Variants in CNTNAP5 observed in about 807,000 individuals in gnomAD.
The protein encoded by CNTNAP5 is contactin associated protein family member 5.
A neutral mutation model predicts 150.2 loss-of-function variants in CNTNAP5; 72 were observed. The ratio of observed to expected loss-of-function variants is 0.48; its 90% CI spans 0.40 to 0.58. CNTNAP5 has a LOEUF of 0.58. CNTNAP5 is among the 20% of genes least tolerant of loss of function. The probability of loss-of-function intolerance (pLI) is 0.00; values close to 1 mark genes in which losing one functional copy is unlikely to be tolerated. For missense variants in CNTNAP5, 1,636 were observed against 1,626.2 expected, an observed-to-expected ratio of 1.01 and a Z score of -0.10; for synonymous variants, 672 against 619.8, an observed-to-expected ratio of 1.08 and a Z score of -1.25.
At chr2:124,282,095 A>C (rs113071431) in intron 3 of CNTNAP5, among the ~76,000 whole-genome samples, 204 of 152,238 alleles carry the variant, frequency 1.3e-3, no homozygotes, top group African/African-American at 4.6e-3. Context: ...GCTGCTAAAA[A>C]GTTTAGACAT....
chr2:124,781,220 C>G (rs1681444115), intron 17 of CNTNAP5, among the ~76,000 whole-genome samples: 1 of 152,226 alleles, frequency 6.6e-6, no homozygotes, highest in East Asian at 1.9e-4. Flanking sequence ...AAATAAGATC[C>G]ATTCACTCTT....
intron 7 of CNTNAP5, among the ~76,000 whole-genome samples, chr2:124,478,571 G>A (rs965492646): frequency 3.3e-5 from 5 of 152,000 alleles, no homozygotes; most frequent in African/African-American, 9.7e-5. Flanking sequence ...ATCTCCTTTA[G>A]GAATTTCTTA....
chr2:124,853,979 G>T (rs969131483), intron 19 of CNTNAP5, among the ~76,000 whole-genome samples: 1 of 152,146 alleles, frequency 6.6e-6, no homozygotes, highest in East Asian at 1.9e-4. Context: ...TCCCACAAAA[G>T]ACATGATCTC....
chr2:124,588,527 C>T (rs563357843), intron 11 of CNTNAP5, among the ~76,000 whole-genome samples: 14 of 151,996 alleles, frequency 9.2e-5, no homozygotes, highest in Middle Eastern at 6.8e-3. Context: ...TACATACCAA[C>T]GACTTTACTT....
chr2:124,111,869 T>A (rs987914557), intron 1 of CNTNAP5, among the ~76,000 whole-genome samples: 15 of 152,212 alleles, frequency 9.9e-5, no homozygotes, highest in African/African-American at 3.4e-4. Context: ...CAGGTTTTTT[T>A]AAGAAATCAA....
chr2:124,605,097 T>G (rs559285800), intron 11 of CNTNAP5, among the ~76,000 whole-genome samples: 1 of 152,292 alleles, frequency 6.6e-6, no homozygotes, highest in African/African-American at 2.4e-5. Flanking sequence ...CTGTACCATG[T>G]AAACTCCCCT....
At chr2:124,420,491 A>G (rs1692074517) in intron 4 of CNTNAP5, among the ~76,000 whole-genome samples, 1 of 152,108 alleles carries the variant, frequency 6.6e-6, no homozygotes, top group African/African-American at 2.4e-5. Flanking sequence ...TCCAATCACT[A>G]TTGAGACATT....
intron 13 of CNTNAP5, among the ~76,000 whole-genome samples, chr2:124,713,339 C>A (rs1280103301): frequency 9.1e-6 from 1 of 110,080 alleles, no homozygotes. Context: ...TTCTTTCTTT[C>A]TTTCTTTCTT....
intron 19 of CNTNAP5, among the ~76,000 whole-genome samples, chr2:124,828,705 A>G (rs1182552901): frequency 1.5e-5 from 2 of 135,292 alleles, no homozygotes; most frequent in Non-Finnish European, 3.1e-5. Context: ...AGGACCTACT[A>G]TATGCCTTGC....
chr2:124,230,655 C>G (rs527805979), intron 2 of CNTNAP5, among the ~76,000 whole-genome samples: 5 of 152,028 alleles, frequency 3.3e-5, no homozygotes, highest in African/African-American at 9.6e-5. Context: ...TCTCAGCCTC[C>G]TGAGTAGCTG....
At chr2:124,366,817 C>T (rs754439834) in intron 3 of CNTNAP5, among the ~76,000 whole-genome samples, 11 of 152,046 alleles carry the variant, frequency 7.2e-5, no homozygotes, top group Non-Finnish European at 1.3e-4. Context: ...ATCCCAGCCT[C>T]GCTCCTACAC....
At chr2:124,694,887 A>G (rs1679372867) in intron 13 of CNTNAP5, among the ~76,000 whole-genome samples, 1 of 152,176 alleles carries the variant, frequency 6.6e-6, no homozygotes, top group Admixed American at 6.6e-5. Flanking sequence ...GACAAAAGTG[A>G]AACAATGAAG....
intron 8 of CNTNAP5, among the ~76,000 whole-genome samples, chr2:124,517,457 T>C (rs1276389866): frequency 6.7e-6 from 1 of 149,772 alleles, no homozygotes; most frequent in African/African-American, 2.5e-5. Context: ...TAATGGAAGG[T>C]TGTGTTGTTG....
chr2:124,866,672 G>A (rs1404692109), intron 20 of CNTNAP5, among the ~76,000 whole-genome samples: 1 of 152,046 alleles, frequency 6.6e-6, no homozygotes, highest in East Asian at 1.9e-4. Context: ...ATCTCAGTGG[G>A]CTCCATATAA....
intron 3 of CNTNAP5, among the ~76,000 whole-genome samples, chr2:124,260,967 CATT>C (rs1558823980): frequency 6.6e-6 from 1 of 152,044 alleles, no homozygotes; most frequent in African/African-American, 2.4e-5. Context: ...TTTAATATGT[CATT>C]TTAAAAGCAT....
chr2:124,811,137 C>G (rs1336631606), intron 19 of CNTNAP5, among the ~76,000 whole-genome samples: 1 of 151,706 alleles, frequency 6.6e-6, no homozygotes, highest in African/African-American at 2.4e-5. Context: ...TAGACCTATA[C>G]AGAAAGCATG....
chr2:124,614,984 A>G (rs1372887935), intron 12 of CNTNAP5, among the ~76,000 whole-genome samples: 2 of 388 alleles, frequency 5.2e-3, no homozygotes, highest in Non-Finnish European at 0.02. Flanking sequence ...GCATTATATC[A>G]AAAAAAAAAA....
intron 1 of CNTNAP5, among the ~76,000 whole-genome samples, chr2:124,212,828 T>TA (rs1686050494): frequency 9.2e-6 from 1 of 109,252 alleles, no homozygotes; most frequent in Non-Finnish European, 1.9e-5. Context: ...TGTAGATAAA[T>TA]CTTTTTTTTT....
rs149729057 is a variant in CNTNAP5, at chr2:124,910,838, G to C, written c.3656-629G>C. On this transcript the variant is annotated intron_variant, in intron 22 of 23. Transcript: ENST00000682447. Reference sequence around the variant, plus strand: ...AGCATGCATTATATACACACATATAGGTATTACTACTCTCCTTTAATACAT... The same window carrying C: ...AGCATGCATTATATACACACATATACGTATTACTACTCTCCTTTAATACAT... Among the ~76,000 whole-genome samples, 490 of 151,948 alleles carry C rather than the reference G, an allele frequency of 3.2e-3. 3 individuals carry two copies. The highest frequency in any genetic ancestry group is 0.011 in the African/African-American group (470 of 41,476).
Sources: allele counts gnomAD v4.1 joint callset (sites outside exome capture counted in the v4.1 genomes callset), GRCh38; gene constraint gnomAD v4.1.1; transcripts MANE v1.5; gene names NCBI Gene and HGNC (gene_info 2026-07-23, HGNC 2026-07-21).